IPMK: variants seen among roughly 807,000 people sequenced by gnomAD.
IPMK encodes inositol 1,3,4,6-tetrakisphosphate 5-kinase.
A neutral mutation model predicts 45.8 loss-of-function variants in IPMK; 17 were observed. The observed-to-expected ratio is 0.37, with a 90% confidence interval of 0.25 to 0.56. The LOEUF (loss-of-function observed/expected upper bound fraction) is 0.56, where lower values mean the gene tolerates loss of function less well. Ranked by LOEUF, IPMK falls within the 20% of genes least tolerant of loss-of-function variation. IPMK has a pLI of 0.79. For missense variants in IPMK, 399 were observed against 498.0 expected, an observed-to-expected ratio of 0.80 and a Z score of 1.89; for synonymous variants, 180 against 184.3, an observed-to-expected ratio of 0.98 and a Z score of 0.19.
chr10:58,247,851 T>G (rs564157758), intron 1 of IPMK, among the ~76,000 whole-genome samples: 2 of 152,312 alleles, frequency 1.3e-5, no homozygotes, highest in Admixed American at 1.3e-4. Context: ...AGGCTTTTGA[T>G]ATACATAGAA....
At chr10:58,246,516 C>T (rs1405396507) in intron 1 of IPMK, among the ~76,000 whole-genome samples, 8 of 141,786 alleles carry the variant, frequency 5.6e-5, no homozygotes, top group Non-Finnish European at 7.5e-5. Context: ...TACAACTATC[C>T]GATCTTTGAC....
At chr10:58,196,808 T>A in intron 5 of IPMK, 110 bp from the exon 6 acceptor site, 1 of 744,792 alleles carries the variant, frequency 1.3e-6, no homozygotes, top group Non-Finnish European at 2.2e-6. Flanking sequence ...CCCTTAGAAT[T>A]AAGTGAACAG....
rs1366138752 is a variant in IPMK, at chr10:58,194,023, A to G, written c.*2053T>C. 6.6e-6 allele frequency: 1 copy of G among 151,918 alleles called. No individual in the cohort carries two copies. The highest frequency in any genetic ancestry group is 1.5e-5 in the Non-Finnish European group (1 of 67,776). The allele number at this position is 151,918 out of a possible 1,614,324, so 9.4% of individuals were successfully genotyped here. On this transcript the variant is annotated 3_prime_UTR_variant, in exon 6 of 6. Transcript: ENST00000373935. ...CTTCTTGCTTTATTAAAAACAAAAC[A>G]TGATCTATTGTATCAAAAAGGTAAG... is the stretch of plus-strand genomic sequence containing the variant.
At chr10:58,264,546 A>C (rs1465002408) in intron 1 of IPMK, among the ~76,000 whole-genome samples, 1 of 152,206 alleles carries the variant, frequency 6.6e-6, no homozygotes, top group Non-Finnish European at 1.5e-5. Flanking sequence ...AAAGAATTTT[A>C]TGCTAACTTT....
chr10:58,228,466 A>T (rs1313788112), intron 2 of IPMK, among the ~76,000 whole-genome samples: 4 of 152,216 alleles, frequency 2.6e-5, no homozygotes, highest in African/African-American at 9.6e-5. Flanking sequence ...AATATTTTTT[A>T]AAAGTAGTGG....
chr10:58,231,033 A>T (rs1302663774), intron 2 of IPMK, among the ~76,000 whole-genome samples: 1 of 152,268 alleles, frequency 6.6e-6, no homozygotes, highest in Non-Finnish European at 1.5e-5. Flanking sequence ...TGATTCATGC[A>T]CAAGCTTCAA....
Position 58,195,873 on chromosome 10 carries a change from T to C in IPMK, c.*203A>G. 1 of 535,420 alleles carries C rather than the reference T, an allele frequency of 1.9e-6. No individual in the cohort carries two copies. The highest frequency in any genetic ancestry group is 3.2e-6 in the Non-Finnish European group (1 of 310,802). 33.2% of individuals were successfully genotyped at this position (535,420 alleles called of 1,614,324 possible). ...CCTGCTTAACATTCCTAAGTTTCTT[T>C]ATTCTTCATAGTTTTCTAATGAACA... is the stretch of plus-strand genomic sequence containing the variant. On this transcript the variant is annotated 3_prime_UTR_variant, in exon 6 of 6. Transcript: ENST00000373935.
At chr10:58,242,865 C>G (rs1838717336) in intron 1 of IPMK, among the ~76,000 whole-genome samples, 1 of 152,026 alleles carries the variant, frequency 6.6e-6, no homozygotes, top group South Asian at 2.1e-4. Flanking sequence ...GGACAGATAT[C>G]CCCCTTGCTG....
intron 4 of IPMK, among the ~76,000 whole-genome samples, chr10:58,209,534 ACTCAGCAAGGCTAC>A (rs1270000797): frequency 6.6e-6 from 1 of 152,024 alleles, no homozygotes; most frequent in Non-Finnish European, 1.5e-5. Flanking sequence ...GGGTCTAGCT[ACTCAGCAAGGCTAC>A]CTGGCTCCAG....
At chr10:58,197,523 G>C (rs541597782) in intron 5 of IPMK, among the ~76,000 whole-genome samples, 1 of 150,960 alleles carries the variant, frequency 6.6e-6, no homozygotes, top group African/African-American at 2.4e-5. Flanking sequence ...GGTGGCGGAC[G>C]CCTGTAGTCC....
intron 4 of IPMK, among the ~76,000 whole-genome samples, chr10:58,206,151 G>GT (rs1838068510): frequency 5.9e-5 from 9 of 152,178 alleles, no homozygotes; most frequent in African/African-American, 2.2e-4. Flanking sequence ...ATGACAACAT[G>GT]GGTGAACTTT....
chr10:58,221,265 A>G (rs1475797453), intron 3 of IPMK, among the ~76,000 whole-genome samples: 2 of 152,120 alleles, frequency 1.3e-5, no homozygotes, highest in African/African-American at 4.8e-5. Flanking sequence ...AAGTTGCTCA[A>G]CTATCATGAT....
chr10:58,245,587 G>A (rs1364587264), intron 1 of IPMK, among the ~76,000 whole-genome samples: 1 of 149,164 alleles, frequency 6.7e-6, no homozygotes, highest in Non-Finnish European at 1.5e-5. Flanking sequence ...ACTCCAGCCT[G>A]GGTGACAGAG....
intron 3 of IPMK, among the ~76,000 whole-genome samples, chr10:58,221,507 T>C (rs184460253): frequency 1.2e-3 from 185 of 152,264 alleles, no homozygotes; most frequent in African/African-American, 4.3e-3. Context: ...ATAAGAAATT[T>C]GTTCTAAGAC....
intron 1 of IPMK, among the ~76,000 whole-genome samples, chr10:58,257,493 TCAAAAA>T (rs1405385385): frequency 6.6e-6 from 1 of 150,566 alleles, no homozygotes; most frequent in African/African-American, 2.4e-5. Flanking sequence ...AGACTCTGTC[TCAAAAA>T]CAAAAATAAA....
chr10:58,243,826 C>T (rs1204221064), intron 1 of IPMK, among the ~76,000 whole-genome samples: 1 of 152,220 alleles, frequency 6.6e-6, no homozygotes, highest in East Asian at 1.9e-4. Flanking sequence ...TGCCTGGCCG[C>T]CCATCGTCTG....
chr10:58,232,275 G>A (rs1187084051), intron 2 of IPMK, among the ~76,000 whole-genome samples: 4 of 152,122 alleles, frequency 2.6e-5, no homozygotes, highest in Admixed American at 1.3e-4. Context: ...ACATATCAAC[G>A]AGACAGAAGG....
Position 58,267,628 on chromosome 10 carries a change from G to C in IPMK, c.-17C>G, listed in dbSNP as rs756286097. On this transcript the variant is annotated 5_prime_UTR_variant, in exon 1 of 6. Coordinates refer to ENST00000373935, the MANE Select transcript of IPMK (RefSeq NM_152230.5). ...TGTTGCCATAACGGAGAGCAGAAGCGGTAACGGCAGCGAGAGTAGGAAAAA... is the reference window on the plus strand; with the variant it reads ...TGTTGCCATAACGGAGAGCAGAAGCCGTAACGGCAGCGAGAGTAGGAAAAA... 3.1e-5 allele frequency: 49 copies of C among 1,560,844 alleles called. No homozygotes were observed. The highest frequency in any genetic ancestry group is 2.4e-4 in the Admixed American group (13 of 54,762).
At chr10:58,245,008 C>T (rs1319829719) in intron 1 of IPMK, among the ~76,000 whole-genome samples, 1 of 150,916 alleles carries the variant, frequency 6.6e-6, no homozygotes, top group Non-Finnish European at 1.5e-5. Context: ...GCCACATCCC[C>T]CTCTCTGAGA....
Sources: allele counts gnomAD v4.1 joint callset (sites outside exome capture counted in the v4.1 genomes callset), GRCh38; gene constraint gnomAD v4.1.1; transcripts MANE v1.5; gene names NCBI Gene and HGNC (gene_info 2026-07-23, HGNC 2026-07-21).